STRN3: variants seen among roughly 807,000 people sequenced by gnomAD.
The protein encoded by STRN3 is striatin 3, also known as striatin-3.
STRN3 carries 29 observed loss-of-function variants against 95.6 expected under a neutral mutation model. The observed-to-expected ratio is 0.30, with a 90% CI of 0.23 to 0.41. The LOEUF (loss-of-function observed/expected upper bound fraction) is 0.41. Among genes scored for constraint, STRN3 ranks in the 10% least tolerant of loss-of-function variants. STRN3 has a pLI of 1.00. For synonymous variants in STRN3, 331 were observed against 357.6 expected (o/e 0.93, Z 0.84); for missense variants, 890 against 972.1 (o/e 0.92, Z 1.12).
intron 1 of STRN3, among the ~76,000 whole-genome samples, chr14:30,978,496 C>G (rs1373339759): frequency 6.6e-6 from 1 of 152,166 alleles, no homozygotes; most frequent in South Asian, 2.1e-4. Context: ...GAAAAACGTA[C>G]AGCTAAATAT....
chr14:30,946,590 A>C (rs2139111707), intron 5 of STRN3, among the ~76,000 whole-genome samples: 1 of 152,272 alleles, frequency 6.6e-6, no homozygotes, highest in Admixed American at 6.5e-5. Flanking sequence ...AAAGCCATTA[A>C]ACAGAAAATT....
chr14:30,905,025 G>A (rs899772489), intron 15 of STRN3, among the ~76,000 whole-genome samples: 31 of 150,094 alleles, frequency 2.1e-4, no homozygotes, highest in African/African-American at 7.1e-4. Flanking sequence ...AGAGACCTGA[G>A]AGACCTATCA....
Position 31,002,599 on chromosome 14 carries a change from C to CCA in STRN3, c.282+23303_282+23304dup, listed in dbSNP as rs558399644. On this transcript the variant is annotated intron_variant, in intron 1 of 17. Coordinates refer to ENST00000357479, the MANE Select transcript of STRN3 (RefSeq NM_001083893.2). ...GAGGTTACAGTGAGCCAAGATCACG[C>CCA]CACTGCACTTCAGTCTGGACAACAG... Among the ~76,000 whole-genome samples the CCA allele has an allele frequency of 3.2e-3, 489 of 151,276 alleles. 3 individuals carry two copies. The highest frequency in any genetic ancestry group is 0.011 in the African/African-American group (460 of 41,180).
At chr14:31,003,322 C>T (rs179703) in intron 1 of STRN3, among the ~76,000 whole-genome samples, 148,975 of 149,178 alleles carry the variant, frequency 1, 74,390 homozygotes, top group Middle Eastern at 1. Flanking sequence ...AATTTTATGT[C>T]ATATGTATTT....
intron 16 of STRN3, among the ~76,000 whole-genome samples, chr14:30,900,276 T>C (rs1021410923): frequency 6.6e-6 from 1 of 151,462 alleles, no homozygotes; most frequent in Non-Finnish European, 1.5e-5. Context: ...GGAGAATCAC[T>C]TGAACCCAGG....
In STRN3 at chr14:30,989,454, G is replaced by A. The variant is rs149709849; in HGVS notation, c.283-33212C>T. Among the ~76,000 whole-genome samples, 193 of 152,052 alleles carry A rather than the reference G, an allele frequency of 1.3e-3. 2 individuals carry two copies. In the East Asian group the frequency reaches 0.03, roughly 23 times the overall value. ...GCAACAAAACAGTCATTTAAACACAGGATTTTTATTTATTTATTTATTTTG... is the reference window on the plus strand; with the variant it reads ...GCAACAAAACAGTCATTTAAACACAAGATTTTTATTTATTTATTTATTTTG... On this transcript the variant is annotated intron_variant, in intron 1 of 17. Transcript: ENST00000357479.
chr14:30,925,814 A>C (rs1897013600), intron 8 of STRN3, among the ~76,000 whole-genome samples: 1 of 152,160 alleles, frequency 6.6e-6, no homozygotes, highest in African/African-American at 2.4e-5. Flanking sequence ...GTCATTTATA[A>C]GCAAAAATTT....
chr14:30,934,153 G>A (rs757802748), intron 7 of STRN3, among the ~76,000 whole-genome samples: 14 of 152,150 alleles, frequency 9.2e-5, no homozygotes, highest in Middle Eastern at 3.4e-3. Context: ...GTAAAACCCC[G>A]CCTCTACTAA....
intron 8 of STRN3, among the ~76,000 whole-genome samples, chr14:30,923,185 GTTC>G (rs1896927962): frequency 6.6e-6 from 1 of 152,156 alleles, no homozygotes; most frequent in Admixed American, 6.5e-5. Context: ...TTAAGAGTAA[GTTC>G]TTCTTAAATG....
At chr14:30,961,514 C>T (rs1422133494) in intron 1 of STRN3, among the ~76,000 whole-genome samples, 1 of 152,202 alleles carries the variant, frequency 6.6e-6, no homozygotes, top group Admixed American at 6.5e-5. Context: ...ACGCATTATT[C>T]ACGTTTGTCC....
intron 3 of STRN3, among the ~76,000 whole-genome samples, chr14:30,955,026 C>T (rs1356520212): frequency 1.3e-5 from 2 of 151,822 alleles, no homozygotes; most frequent in African/African-American, 4.8e-5. Context: ...AAAAAGTAGA[C>T]CTTCCATGTT....
intron 5 of STRN3, among the ~76,000 whole-genome samples, chr14:30,937,323 C>G (rs1332983776): frequency 1.3e-5 from 2 of 151,758 alleles, no homozygotes; most frequent in Non-Finnish European, 2.9e-5. Context: ...AAAATGAAAA[C>G]AAAAAAACTT....
chr14:30,972,264 A>T (rs1880870298), intron 1 of STRN3, among the ~76,000 whole-genome samples: 1 of 151,562 alleles, frequency 6.6e-6, no homozygotes, highest in Non-Finnish European at 1.5e-5. Flanking sequence ...ATTACCTGCT[A>T]CCTGCTCTGC....
At chr14:30,989,932 C>G (rs1021228446) in intron 1 of STRN3, among the ~76,000 whole-genome samples, 1 of 151,322 alleles carries the variant, frequency 6.6e-6, no homozygotes, top group African/African-American at 2.4e-5. Flanking sequence ...ACAATGGTGA[C>G]AATGAAGACT....
intron 4 of STRN3, among the ~76,000 whole-genome samples, chr14:30,948,367 T>C (rs1014092850): frequency 3.3e-5 from 5 of 152,182 alleles, no homozygotes; most frequent in African/African-American, 1.2e-4. Context: ...TCTTTGGTAA[T>C]ATTTGAAGCC....
chr14:30,901,977 G>C (rs1896329049), intron 16 of STRN3, among the ~76,000 whole-genome samples: 1 of 151,724 alleles, frequency 6.6e-6, no homozygotes, highest in Non-Finnish European at 1.5e-5. Flanking sequence ...AGACCAGCCT[G>C]ACCAACATGG....
intron 1 of STRN3, among the ~76,000 whole-genome samples, chr14:30,987,595 G>A (rs919843135): frequency 1.6e-4 from 25 of 152,098 alleles, no homozygotes; most frequent in Non-Finnish European, 3.5e-4. Flanking sequence ...AGGACCTTGA[G>A]GTTCATATTA....
chr14:30,985,989 C>G (rs544432723), intron 1 of STRN3, among the ~76,000 whole-genome samples: 17 of 152,180 alleles, frequency 1.1e-4, no homozygotes, highest in Non-Finnish European at 2.4e-4. Flanking sequence ...CGCTTTCTCT[C>G]TCTCTCTCTC....
chr14:30,920,186 T>C (rs1301545593), intron 8 of STRN3, among the ~76,000 whole-genome samples: 3 of 152,178 alleles, frequency 2.0e-5, no homozygotes, highest in Non-Finnish European at 2.9e-5. Flanking sequence ...TAAAACTTAG[T>C]GGAAATAGGT....
Sources: allele counts gnomAD v4.1 joint callset (sites outside exome capture counted in the v4.1 genomes callset), GRCh38; gene constraint gnomAD v4.1.1; transcripts MANE v1.5; gene names NCBI Gene and HGNC (gene_info 2026-07-23, HGNC 2026-07-21).